The following RGS6 variants were observed in gnomAD, a reference collection of about 807,000 sequenced individuals.
RGS6 encodes regulator of G protein signaling 6.
In RGS6, 30 loss-of-function variants were observed where a neutral mutation model predicts 78.5. The ratio of observed to expected loss-of-function variants is 0.38; its 90% confidence interval spans 0.29 to 0.52. The LOEUF (loss-of-function observed/expected upper bound fraction) is 0.52. RGS6 is among the 20% of genes least tolerant of loss of function. The probability of loss-of-function intolerance (pLI) is 0.85; values close to 1 mark genes in which losing one functional copy is unlikely to be tolerated. For synonymous variants in RGS6, 206 were observed against 206.0 expected, an observed-to-expected ratio of 1.00 and a Z score of 0.00; for missense variants, 495 against 609.7, an observed-to-expected ratio of 0.81 and a Z score of 1.98.
At chr14:71,957,181 A>C (rs755755321) in intron 1 of RGS6, among the ~76,000 whole-genome samples, 8 of 152,166 alleles carry the variant, frequency 5.3e-5, no homozygotes, top group Non-Finnish European at 1.0e-4. Flanking sequence ...GAAAGTGGTG[A>C]AGGTGTTAGG....
At chr14:72,324,657 C>T (rs2073200902) in intron 2 of RGS6, among the ~76,000 whole-genome samples, 1 of 152,094 alleles carries the variant, frequency 6.6e-6, no homozygotes, top group South Asian at 2.1e-4. Flanking sequence ...TTTCCAGCTT[C>T]ATCCATGTCC....
At chr14:72,375,720 C>T (rs2084541872) in intron 3 of RGS6, among the ~76,000 whole-genome samples, 1 of 152,218 alleles carries the variant, frequency 6.6e-6, no homozygotes, top group Non-Finnish European at 1.5e-5. Context: ...CACAAACTGT[C>T]TAAGCCTAGG....
the RGS6 span, among the ~76,000 whole-genome samples, chr14:72,588,968 A>G: frequency 6.6e-6 from 1 of 152,252 alleles, no homozygotes; most frequent in Admixed American, 6.5e-5. Context: ...CCAACACCAA[A>G]CACTTCTACC....
Position 72,118,624 on chromosome 14 carries a change from G to T in RGS6, c.84+153749G>T, listed in dbSNP as rs192017042. ...CAGGTTTCCAAAATATCTTTCTGAGGTCATTACAGGGTCATAGCCCTGGAC... is the reference window on the plus strand; with the variant it reads ...CAGGTTTCCAAAATATCTTTCTGAGTTCATTACAGGGTCATAGCCCTGGAC... On this transcript the variant is annotated intron_variant, in intron 2 of 17. Coordinates refer to ENST00000553525, the MANE Select transcript of RGS6 (RefSeq NM_001204424.2). Among the ~76,000 whole-genome samples, 240 of 152,264 alleles carry T rather than the reference G, an allele frequency of 1.6e-3. 1 individual carries two copies. The highest frequency in any genetic ancestry group is 5.7e-3 in the African/African-American group (236 of 41,562).
At chr14:72,358,143 C>T (rs1242466921) in intron 3 of RGS6, among the ~76,000 whole-genome samples, 2 of 152,156 alleles carry the variant, frequency 1.3e-5, no homozygotes, top group African/African-American at 2.4e-5. Flanking sequence ...TGGGAACCTC[C>T]ATCTTGATTT....
intron 2 of RGS6, among the ~76,000 whole-genome samples, chr14:72,220,243 T>C (rs956579948): frequency 6.6e-6 from 1 of 152,184 alleles, no homozygotes; most frequent in Non-Finnish European, 1.5e-5. Context: ...TGACAGCAAA[T>C]TGAAAAACAT....
chr14:72,619,789 A>T, the RGS6 span: 2 of 1,012,802 alleles, frequency 2.0e-6, no homozygotes, highest in Non-Finnish European at 2.7e-6. Context: ...AAATGAGACA[A>T]GACATGAACA....
intron 3 of RGS6, among the ~76,000 whole-genome samples, chr14:72,445,319 A>G (rs757191180): frequency 3.3e-5 from 5 of 152,276 alleles, no homozygotes; most frequent in African/African-American, 4.8e-5. Context: ...TCATCCAAGT[A>G]GCTGGGACTA....
At chr14:72,497,156 G>T (rs1489285567) in intron 13 of RGS6, among the ~76,000 whole-genome samples, 3 of 152,080 alleles carry the variant, frequency 2.0e-5, no homozygotes, top group Non-Finnish European at 4.4e-5. Context: ...TAGTTCGTAG[G>T]TCCAGATTCC....
At chr14:72,224,363 G>A (rs2047591929) in intron 2 of RGS6, among the ~76,000 whole-genome samples, 1 of 151,980 alleles carries the variant, frequency 6.6e-6, no homozygotes, top group Non-Finnish European at 1.5e-5. Flanking sequence ...GGTTCTCGTG[G>A]GCAAGATGGT....
the RGS6 span, among the ~76,000 whole-genome samples, chr14:72,620,287 ATTC>A: frequency 1.3e-5 from 2 of 152,226 alleles, no homozygotes; most frequent in Non-Finnish European, 2.9e-5. Flanking sequence ...GGGATCCCTT[ATTC>A]TTCTGAACTT....
chr14:72,316,581 G>T (rs1358240627), intron 2 of RGS6, among the ~76,000 whole-genome samples: 2 of 152,106 alleles, frequency 1.3e-5, no homozygotes, highest in Non-Finnish European at 2.9e-5. Context: ...CTTTTTTATG[G>T]CTGCATAGTA....
chr14:72,284,349 G>A (rs2062109535), intron 2 of RGS6, among the ~76,000 whole-genome samples: 1 of 106,256 alleles, frequency 9.4e-6, no homozygotes, highest in African/African-American at 2.7e-5. Context: ...AGGCCTAGGA[G>A]GAAAAAATGG....
At chr14:72,428,506 G>A (rs761038485) in intron 3 of RGS6, among the ~76,000 whole-genome samples, 2 of 152,160 alleles carry the variant, frequency 1.3e-5, no homozygotes, top group Admixed American at 6.5e-5. Flanking sequence ...CTGAATGTTC[G>A]AAGCAGTGAG....
chr14:71,882,524 A>T, the RGS6 span, among the ~76,000 whole-genome samples: 244 of 152,334 alleles, frequency 1.6e-3, 1 homozygote, highest in African/African-American at 5.7e-3. Context: ...AAAAGACATT[A>T]CTGGATGACC....
At chr14:72,357,142 C>T (rs149149213) in intron 3 of RGS6, among the ~76,000 whole-genome samples, 63 of 151,966 alleles carry the variant, frequency 4.1e-4, no homozygotes, top group African/African-American at 1.2e-3. Flanking sequence ...GGTAGTGGCA[C>T]GCACCTGTAA....
intron 2 of RGS6, among the ~76,000 whole-genome samples, chr14:72,334,261 C>T (rs2075617042): frequency 6.6e-6 from 1 of 152,248 alleles, no homozygotes; most frequent in Non-Finnish European, 1.5e-5. Flanking sequence ...ATGCCAAACC[C>T]CAATTATCTG....
At chr14:72,032,708 T>C (rs59060571) in intron 2 of RGS6, among the ~76,000 whole-genome samples, 12,314 of 152,268 alleles carry the variant, frequency 0.081, 548 homozygotes, top group East Asian at 0.17. Context: ...ATGCAGTATT[T>C]GTTTTTTTGT....
At chr14:72,264,091 A>G (rs934449948) in intron 2 of RGS6, among the ~76,000 whole-genome samples, 4 of 152,226 alleles carry the variant, frequency 2.6e-5, no homozygotes, top group Admixed American at 1.3e-4. Context: ...AAGAAAATCA[A>G]TAGTAGCCTT....
Sources: allele counts gnomAD v4.1 joint callset (sites outside exome capture counted in the v4.1 genomes callset), GRCh38; gene constraint gnomAD v4.1.1; transcripts MANE v1.5; gene names NCBI Gene and HGNC (gene_info 2026-07-23, HGNC 2026-07-21).